URB1: variants seen among roughly 807,000 people sequenced by gnomAD.
The protein encoded by URB1 is URB1 ribosome biogenesis factor.
In URB1, 197 loss-of-function variants were observed where a neutral mutation model predicts 242.3. The ratio of observed to expected loss-of-function variants is 0.81; its 90% CI spans 0.72 to 0.91. The LOEUF is 0.91. Among genes scored for constraint, URB1 ranks in the 40% least tolerant of loss-of-function variants. The pLI is 0.00. For synonymous variants in URB1, 1,153 were observed against 1,201.8 expected (o/e 0.96, Z 0.84); for missense variants, 2,721 against 2,860.5 (o/e 0.95, Z 1.11).
intron 4 of URB1, among the ~76,000 whole-genome samples, chr21:32,382,446 C>A (rs2033537089): frequency 6.6e-6 from 1 of 152,134 alleles, no homozygotes; most frequent in Admixed American, 6.5e-5. Context: ...ACCCTCAACA[C>A]CAGGCCAATC....
At position 32,347,149 on chromosome 21, in the gene URB1, C is replaced by T; in HGVS notation, c.3675G>A (p.Arg1225=). 6.5e-7 allele frequency: 1 copy of T among 1,548,896 alleles called. No homozygotes were observed. Among genetic ancestry groups the T allele is most frequent in the Non-Finnish European group, 8.7e-7 (1 of 1,146,196 alleles). ...CGATGCTGAGGGCCGCCTGTGTGCG[C>T]CGGGCCAGGCAGTAGTCAAGCAGAT... The part of the protein sequence containing the change: ...GADLLDYCLA[R]RTQAALSIAA... Residue 1225 remains arginine, a synonymous_variant, in exon 22 of 39, where the codon CGG becomes CGA. Coordinates refer to ENST00000382751, the MANE Select transcript of URB1 (RefSeq NM_014825.3).
At chr21:32,359,198 A>T (rs1476380540) in intron 14 of URB1, among the ~76,000 whole-genome samples, 1 of 152,236 alleles carries the variant, frequency 6.6e-6, no homozygotes, top group Non-Finnish European at 1.5e-5. Context: ...GACAATGATT[A>T]ATTTTGCTTG....
chr21:32,321,311 T>C (rs2123544581), intron 34 of URB1, among the ~76,000 whole-genome samples: 1 of 152,376 alleles, frequency 6.6e-6, no homozygotes, highest in South Asian at 2.1e-4. Context: ...TCTTGGTTCC[T>C]GACTGGCTAG....
At chr21:32,379,660 C>T (rs2033500287) in intron 4 of URB1, among the ~76,000 whole-genome samples, 1 of 152,116 alleles carries the variant, frequency 6.6e-6, no homozygotes, top group Admixed American at 6.6e-5. Flanking sequence ...GAGAGATGCC[C>T]ACACCACACC....
intron 22 of URB1, 22 bp from the exon 23 acceptor site, chr21:32,345,597 GAA>G (rs1251831096): frequency 6.6e-7 from 1 of 1,517,502 alleles, no homozygotes; most frequent in Non-Finnish European, 8.9e-7. Context: ...ATACAAAGGA[GAA>G]GTCATCACAC....
chr21:32,346,669 TAACCCCCGCTACTGTACCC>T, intron 22 of URB1, among the ~76,000 whole-genome samples: 1 of 152,072 alleles, frequency 6.6e-6, no homozygotes, highest in African/African-American at 2.4e-5. Flanking sequence ...CAGCCCTAAA[TAACCCCCGCTACTGTACCC>T]AACTCCCGCC....
chr21:32,320,092 A>C (rs969204019), intron 35 of URB1, among the ~76,000 whole-genome samples: 10 of 152,200 alleles, frequency 6.6e-5, no homozygotes, highest in Admixed American at 4.6e-4. Flanking sequence ...GAGGACAGAG[A>C]CCCTGCACTG....
At chr21:32,355,642 T>C (rs2033211854) in intron 15 of URB1, 77 bp from the exon 16 acceptor site, 1 of 1,180,126 alleles carries the variant, frequency 8.5e-7, no homozygotes, top group African/African-American at 1.5e-5. Context: ...AGGGCCTCAC[T>C]CTGTCACCCA....
chr21:32,344,040 A>C (rs1027917883), intron 24 of URB1, among the ~76,000 whole-genome samples: 1 of 152,218 alleles, frequency 6.6e-6, no homozygotes, highest in Non-Finnish European at 1.5e-5. Context: ...ATCAACATAG[A>C]ATTTTATACC....
chr21:32,317,099 G>C, intron 37 of URB1, 34 bp from the exon 38 acceptor site: 15 of 1,489,908 alleles, frequency 1.0e-5, no homozygotes, highest in Non-Finnish European at 1.3e-5. Context: ...TAATGAGACT[G>C]GGGTCCCTCC....
At position 32,340,710 on chromosome 21, in the gene URB1, A is replaced by G. The variant is rs1239773180; in HGVS notation, c.4316+756T>C. ...CACACTAAAAGCTAGTAAGTCCCCA[A>G]TCCACCCCAAGAGACATGATAGAGA... On this transcript the variant is annotated intron_variant, in intron 25 of 38. Coordinates refer to ENST00000382751, the MANE Select transcript of URB1 (RefSeq NM_014825.3). Among the ~76,000 whole-genome samples the G allele has an allele frequency of 2.6e-5, 4 of 152,302 alleles. No homozygotes were observed. In the East Asian group the frequency reaches 7.7e-4, roughly 29 times the overall value.
chr21:32,392,327 A>G (rs2146062170), intron 1 of URB1, among the ~76,000 whole-genome samples: 1 of 152,296 alleles, frequency 6.6e-6, no homozygotes, highest in East Asian at 1.9e-4. Flanking sequence ...AGCTTGTTAC[A>G]AGTCATCAAG....
chr21:32,363,215 C>A lies in URB1; in HGVS notation c.1450G>T (p.Val484Leu). 1 of 1,552,044 alleles carries A rather than the reference C, an allele frequency of 6.4e-7. No individual in the cohort carries two copies. The highest frequency in any genetic ancestry group is 8.7e-7 in the Non-Finnish European group (1 of 1,147,070). ...LNKEVWQESG[V>L]YTAVMMEEFV... is the part of the protein sequence containing the mutation. ...TCTTCCATCATCACAGCTGTGTACA[C>A]GCCTGATTCCTGCCACACCTCTTTA... The change falls in exon 11 of 39, where the codon GTG becomes TTG. Residue 484 changes from valine (V) to leucine (L), a missense_variant. Coordinates refer to ENST00000382751, the MANE Select transcript of URB1 (RefSeq NM_014825.3).
At chr21:32,321,577 G>A (rs956973413) in intron 34 of URB1, among the ~76,000 whole-genome samples, 2 of 152,166 alleles carry the variant, frequency 1.3e-5, no homozygotes, top group African/African-American at 4.8e-5. Context: ...GAGGACAAAT[G>A]ACACTGGGGG....
At position 32,337,467 on chromosome 21, in the gene URB1, CAG is replaced by C. The variant is rs1323631295; in HGVS notation, c.4556_4557del (p.Ser1519CysfsTer3). The C allele has an allele frequency of 6.4e-7, 1 of 1,551,056 alleles. No homozygotes were observed. Among genetic ancestry groups the C allele is most frequent in the Admixed American group, 2.0e-5 (1 of 50,988 alleles). ...LMLTVVEMCP[S>X]VCESSHFAVL... ...ACTGCAAAGTGGCTGCTCTCACAGA[CAG>C]AGGGGCACATCTCCACCACCGTCAG... On this transcript the variant is annotated frameshift_variant, in exon 27 of 39. Transcript: ENST00000382751. LOFTEE classifies it high-confidence loss of function.
At chr21:32,338,933 T>C (rs1326983545) in intron 25 of URB1, 33 bp from the exon 26 acceptor site, 1 of 1,481,166 alleles carries the variant, frequency 6.8e-7, no homozygotes. Context: ...AAAAGAGCTT[T>C]GCTAAAAGGA....
At position 32,373,762 on chromosome 21, in the gene URB1, T is replaced by C; in HGVS notation, c.761A>G (p.Asn254Ser). 1.3e-6 allele frequency: 2 copies of C among 1,541,608 alleles called. No homozygotes were observed. Among genetic ancestry groups the C allele is most frequent in the Non-Finnish European group, 1.7e-6 (2 of 1,143,804 alleles). Residue 254 changes from asparagine to serine, a missense_variant, in exon 7 of 39, where the codon AAT becomes AGT. Physicochemically the swap from Asn to Ser is conservative, Grantham distance 46. Coordinates refer to ENST00000382751, the MANE Select transcript of URB1 (RefSeq NM_014825.3). The part of the protein sequence containing the change: ...LSTLKTKVVH[N>S]KNITKTQKVR... ...CTTCTGGGTTTTTGTGATATTTTTA[T>C]TGTGAACTACCTGAAACAATAATAA...
In URB1 at chr21:32,350,821, G is replaced by A. The variant is rs779298424; in HGVS notation, c.2715C>T (p.Asp905=). The A allele has an allele frequency of 1.0e-5, 16 of 1,551,224 alleles. No individual in the cohort carries two copies. The highest frequency in any genetic ancestry group is 4.1e-5 in the African/African-American group (3 of 73,034). ...QAAYESQALR[D]EHIQVQLQAT... ...CCTGCAGCTGCACCTGGATGTGCTC[G>A]TCCCGAAGCGCTTGGCTCTCGTAGG... The change falls in exon 20 of 39, where the codon GAC becomes GAT. Residue 905 remains aspartate, a synonymous_variant. Coordinates refer to ENST00000382751, the MANE Select transcript of URB1 (RefSeq NM_014825.3).
In URB1 at chr21:32,334,205, G is replaced by T. The variant is rs1446793240; in HGVS notation, c.4815C>A (p.Thr1605=). ...TCCGGTTCTGGGGGAAGTGCAGGATGGTCTGCATCATCCGGTCCCGGTCCA... is the reference window on the plus strand; with the variant it reads ...TCCGGTTCTGGGGGAAGTGCAGGATTGTCTGCATCATCCGGTCCCGGTCCA... ...RLLDRDRMMQ[T]ILHFPQNRRL... The change falls in exon 29 of 39, where the codon ACC becomes ACA. Residue 1605 remains threonine (T), a synonymous_variant. Transcript: ENST00000382751. 6.4e-7 allele frequency: 1 copy of T among 1,551,306 alleles called. No homozygotes were observed. The highest frequency in any genetic ancestry group is 8.7e-7 in the Non-Finnish European group (1 of 1,146,880).
Sources: allele counts gnomAD v4.1 joint callset (sites outside exome capture counted in the v4.1 genomes callset), GRCh38; gene constraint gnomAD v4.1.1; transcripts MANE v1.5; gene names NCBI Gene and HGNC (gene_info 2026-07-23, HGNC 2026-07-21).